COX10: variants seen among roughly 807,000 people sequenced by gnomAD.
The protein encoded by COX10 is cytochrome c oxidase assembly factor heme A:farnesyltransferase COX10, also known as protoheme IX farnesyltransferase, mitochondrial.
In COX10, 27 loss-of-function variants were observed where a neutral mutation model predicts 37.3. The ratio of observed to expected loss-of-function variants is 0.72; its 90% confidence interval spans 0.53 to 1.00. The LOEUF (loss-of-function observed/expected upper bound fraction) is 1.00. COX10 is among the 50% of genes least tolerant of loss of function. The pLI, the probability that COX10 is intolerant of heterozygous loss-of-function variation, is 0.00. For synonymous variants in COX10, 222 were observed against 229.1 expected (o/e 0.97, Z 0.28); for missense variants, 475 against 563.2 (o/e 0.84, Z 1.59).
chr17:14,156,724 T>TA (rs1457346829), intron 4 of COX10, among the ~76,000 whole-genome samples: 1 of 152,214 alleles, frequency 6.6e-6, no homozygotes, highest in Non-Finnish European at 1.5e-5. Context: ...GCTCAGCCTT[T>TA]AAGCTTCCCT....
chr17:14,175,087 G>GGGGGGT (rs1905624697), intron 5 of COX10, among the ~76,000 whole-genome samples: 1 of 73,132 alleles, frequency 1.4e-5, no homozygotes, highest in Admixed American at 1.6e-4. Context: ...AAATAGCGGG[G>GGGGGGT]GGGGGGGGGG....
At chr17:14,108,130 C>A (rs950886242) in intron 4 of COX10, among the ~76,000 whole-genome samples, 1 of 152,134 alleles carries the variant, frequency 6.6e-6, no homozygotes, top group Non-Finnish European at 1.5e-5. Flanking sequence ...GTACATCCAT[C>A]ACCTCTGCCC....
chr17:14,189,955 G>A (rs1906150743), intron 5 of COX10, among the ~76,000 whole-genome samples: 1 of 152,184 alleles, frequency 6.6e-6, no homozygotes. Context: ...AGACAGTAGA[G>A]ATAGAAGATA....
chr17:14,153,587 G>T (rs1255736336), intron 4 of COX10, among the ~76,000 whole-genome samples: 1 of 152,088 alleles, frequency 6.6e-6, no homozygotes, highest in South Asian at 2.1e-4. Context: ...TTTGTCCTTG[G>T]CAAACACTTT....
chr17:14,204,882 G>A (rs1359407547), intron 6 of COX10, among the ~76,000 whole-genome samples: 1 of 152,216 alleles, frequency 6.6e-6, no homozygotes, highest in Middle Eastern at 3.4e-3. Flanking sequence ...CAGGAGGATT[G>A]CTTGGGGCCA....
chr17:14,122,832 AAACT>A (rs1597509571), intron 4 of COX10, among the ~76,000 whole-genome samples: 1 of 152,250 alleles, frequency 6.6e-6, no homozygotes, highest in South Asian at 2.1e-4. Flanking sequence ...CATTAGCCAG[AAACT>A]AACTAAATCC....
intron 3 of COX10, among the ~76,000 whole-genome samples, chr17:14,092,036 AT>A: frequency 6.6e-6 from 1 of 152,294 alleles, no homozygotes; most frequent in African/African-American, 2.4e-5. Context: ...GTTATTGAGT[AT>A]ATGAAGTAAA....
intron 4 of COX10, among the ~76,000 whole-genome samples, chr17:14,124,400 C>T (rs1205434220): frequency 6.6e-6 from 1 of 152,090 alleles, no homozygotes; most frequent in Non-Finnish European, 1.5e-5. Context: ...TCCTAATTTC[C>T]ATTCGCATAA....
At chr17:14,108,459 A>G (rs995589080) in intron 4 of COX10, among the ~76,000 whole-genome samples, 15 of 152,320 alleles carry the variant, frequency 9.8e-5, no homozygotes, top group African/African-American at 2.2e-4. Flanking sequence ...GGCACAAAAC[A>G]TAAGTAGAGT....
chr17:14,188,753 C>T lies in COX10; in HGVS notation c.696-3236C>T, dbSNP rs530651168. Reference sequence around the variant, plus strand: ...CCATCCAAATGCTCACAAGGTTGCCCGTGTTTGATGAGAGGAATGAGCAGG... The same window carrying T: ...CCATCCAAATGCTCACAAGGTTGCCTGTGTTTGATGAGAGGAATGAGCAGG... On this transcript the variant is annotated intron_variant, in intron 5 of 6. Transcript: ENST00000261643. Among the ~76,000 whole-genome samples, 243 of 152,136 alleles carry T rather than the reference C, an allele frequency of 1.6e-3. 1 individual carries two copies. Among genetic ancestry groups the T allele is most frequent in the African/African-American group, 5.6e-3 (234 of 41,502 alleles).
intron 5 of COX10, among the ~76,000 whole-genome samples, chr17:14,168,317 C>T (rs1473637950): frequency 6.6e-6 from 1 of 152,228 alleles, no homozygotes; most frequent in East Asian, 1.9e-4. Flanking sequence ...AGGGTACAGC[C>T]CTCATGGCTG....
chr17:14,133,840 AG>A (rs1916518663), intron 4 of COX10, among the ~76,000 whole-genome samples: 1 of 151,714 alleles, frequency 6.6e-6, no homozygotes. Flanking sequence ...GTTTCAGTGT[AG>A]TCTTAATTAG....
intron 4 of COX10, among the ~76,000 whole-genome samples, chr17:14,143,180 A>C (rs967008025): frequency 3.9e-5 from 6 of 152,186 alleles, no homozygotes; most frequent in Non-Finnish European, 7.3e-5. Context: ...TGTCTTCTTA[A>C]GACCTCTTTG....
intron 2 of COX10, 84 bp from the exon 3 acceptor site, chr17:14,076,651 T>C (rs763846161): frequency 1.8e-4 from 222 of 1,257,178 alleles, no homozygotes; most frequent in Non-Finnish European, 2.4e-4. Context: ...ATGTAAAAGC[T>C]GGTCTGATTG....
intron 5 of COX10, among the ~76,000 whole-genome samples, chr17:14,188,549 A>AT (rs1295109286): frequency 3.3e-5 from 5 of 151,820 alleles, no homozygotes; most frequent in Non-Finnish European, 7.4e-5. Context: ...GATACCAGCC[A>AT]TTTAGTCTAT....
intron 4 of COX10, among the ~76,000 whole-genome samples, chr17:14,155,924 G>A (rs943874777): frequency 2.0e-5 from 3 of 151,886 alleles, no homozygotes; most frequent in African/African-American, 7.3e-5. Context: ...CCTCCAAGTG[G>A]CAGTCATAGG....
At chr17:14,206,275 G>C (rs1203756932) in intron 6 of COX10, among the ~76,000 whole-genome samples, 2 of 152,162 alleles carry the variant, frequency 1.3e-5, no homozygotes, top group African/African-American at 4.8e-5. Flanking sequence ...CGGACTTGCA[G>C]CGTCCTCCAG....
chr17:14,107,876 T>C (rs1479431793), intron 4 of COX10, among the ~76,000 whole-genome samples: 2 of 152,102 alleles, frequency 1.3e-5, no homozygotes, highest in African/African-American at 4.8e-5. Flanking sequence ...CCTTGATGAG[T>C]AGAATGCTCT....
chr17:14,149,643 C>T (rs73979171), intron 4 of COX10, among the ~76,000 whole-genome samples: 246 of 152,166 alleles, frequency 1.6e-3, no homozygotes, highest in African/African-American at 5.7e-3. Context: ...GTGTGGAAGG[C>T]AGGGACTGCT....
Sources: allele counts gnomAD v4.1 joint callset (sites outside exome capture counted in the v4.1 genomes callset), GRCh38; gene constraint gnomAD v4.1.1; transcripts MANE v1.5; gene names NCBI Gene and HGNC (gene_info 2026-07-23, HGNC 2026-07-21).